AXIN1: variants seen among roughly 807,000 people sequenced by gnomAD.
AXIN1 encodes axin 1, also known as axin-1.
AXIN1 carries 30 observed loss-of-function variants against 76.4 expected under a neutral mutation model. That is an observed-to-expected ratio of 0.39 (90% CI 0.29 to 0.53). The LOEUF (loss-of-function observed/expected upper bound fraction) is 0.53, where lower values mean the gene tolerates loss of function less well. AXIN1 is among the 20% of genes least tolerant of loss of function. The pLI, the probability that AXIN1 is intolerant of heterozygous loss-of-function variation, is 0.66. For missense variants in AXIN1, 1,140 were observed against 1,198.8 expected, an observed-to-expected ratio of 0.95 and a Z score of 0.72; for synonymous variants, 545 against 501.4, an observed-to-expected ratio of 1.09 and a Z score of -1.16.
intron 9 of AXIN1, 100 bp from the exon 10 acceptor site, chr16:289,707 T>G (rs1596964892): frequency 1.3e-6 from 2 of 1,489,120 alleles, no homozygotes; most frequent in Non-Finnish European, 1.8e-6. Context: ...GGGGCAGGCC[T>G]GCAGGGGTGA....
At chr16:345,667 T>C (rs2054019023) in intron 2 of AXIN1, among the ~76,000 whole-genome samples, 1 of 151,836 alleles carries the variant, frequency 6.6e-6, no homozygotes, top group South Asian at 2.1e-4. Context: ...TGAGCTGAGA[T>C]TGTACCATTG....
chr16:314,700 A>G lies in AXIN1; in HGVS notation c.879-17T>C, dbSNP rs1392979486. On this transcript the variant is annotated splice_polypyrimidine_tract_variant and intron_variant, in intron 2 of 10. Transcript: ENST00000262320. ...GATCCATACCTGCAAACAGGCAAGC[A>G]GGGCATGTTAGTGACAGCCTGCCAA... 6.2e-7 allele frequency: 1 copy of G among 1,612,904 alleles called. No homozygotes were observed. The highest frequency in any genetic ancestry group is 8.5e-7 in the Non-Finnish European group (1 of 1,180,028).
At position 304,433 on chromosome 16, in the gene AXIN1, G is replaced by A. The variant is rs1280503610; in HGVS notation, c.1125C>T (p.Tyr375=). 6.2e-7 allele frequency: 1 copy of A among 1,612,714 alleles called. No individual in the cohort carries two copies. The highest frequency in any genetic ancestry group is 1.3e-5 in the African/African-American group (1 of 75,076). Residue 375 remains tyrosine, a synonymous_variant, in exon 5 of 11, where the codon TAC becomes TAT. Transcript: ENST00000262320. ...RVPLPHIPRT[Y]RVPKEVRVEP... is the part of the protein sequence containing the mutation. ...CCACGCGGACCTCCTTCGGCACCCGGTACGTGCGCTGCGAGGGACAGGACT... is the reference window on the plus strand; with the variant it reads ...CCACGCGGACCTCCTTCGGCACCCGATACGTGCGCTGCGAGGGACAGGACT...
intron 2 of AXIN1, among the ~76,000 whole-genome samples, chr16:332,530 C>T (rs1165026062): frequency 6.7e-6 from 1 of 149,416 alleles, no homozygotes; most frequent in African/African-American, 2.5e-5. Flanking sequence ...GAGCTGAGAC[C>T]GTGCCACTGC....
chr16:295,728 G>A (rs1031438133), intron 7 of AXIN1, among the ~76,000 whole-genome samples: 6 of 152,220 alleles, frequency 3.9e-5, no homozygotes, highest in Non-Finnish European at 5.9e-5. Context: ...CCAGGAGGCC[G>A]AGGCAGGCGG....
intron 3 of AXIN1, among the ~76,000 whole-genome samples, chr16:311,267 T>C (rs2053170218): frequency 6.6e-6 from 1 of 151,644 alleles, no homozygotes; most frequent in African/African-American, 2.4e-5. Flanking sequence ...CCTGACCCCG[T>C]GATCCGCCTG....
chr16:289,079 CTTCT>C (rs941810012), intron 10 of AXIN1, among the ~76,000 whole-genome samples: 10 of 137,548 alleles, frequency 7.3e-5, no homozygotes, highest in East Asian at 5.9e-4. Context: ...AGCCCTTTTT[CTTCT>C]TTTTTTTTTT....
chr16:310,270 C>T lies in AXIN1; in HGVS notation c.1020-201G>A, dbSNP rs181442175. On this transcript the variant is annotated intron_variant, in intron 3 of 10. Coordinates refer to ENST00000262320, the MANE Select transcript of AXIN1 (RefSeq NM_003502.4). ...GAACATGTACACACAAAGGTTCACA[C>T]GTGATGGTAAAGCCCAGGTGCCCAG... Among the ~76,000 whole-genome samples the T allele has an allele frequency of 1.0e-3, 157 of 152,342 alleles. 1 individual carries two copies. Among genetic ancestry groups the T allele is most frequent in the African/African-American group, 3.4e-3 (142 of 41,582 alleles).
At chr16:310,681 G>A (rs1426303988) in intron 3 of AXIN1, among the ~76,000 whole-genome samples, 1 of 152,236 alleles carries the variant, frequency 6.6e-6, no homozygotes, top group African/African-American at 2.4e-5. Context: ...AATTACAGGC[G>A]CAAGCCACGG....
chr16:310,152 CGCCG>C, intron 3 of AXIN1, 83 bp from the exon 4 acceptor site: 2 of 1,315,460 alleles, frequency 1.5e-6, no homozygotes, highest in Non-Finnish European at 2.1e-6. Flanking sequence ...TGGCCCCGAC[CGCCG>C]GTCAGCAGGC....
chr16:291,065 C>A, intron 9 of AXIN1, 125 bp downstream of exon 9: 1 of 893,514 alleles, frequency 1.1e-6, no homozygotes, highest in South Asian at 1.4e-5. Context: ...CCCTCTCCTG[C>A]CACAGCTGCT....
chr16:316,791 A>G (rs2053312606), intron 2 of AXIN1, among the ~76,000 whole-genome samples: 1 of 152,212 alleles, frequency 6.6e-6, no homozygotes, highest in East Asian at 1.9e-4. Context: ...TACTGTGCCT[A>G]ACTTGTAAGT....
intron 2 of AXIN1, among the ~76,000 whole-genome samples, chr16:333,039 T>G (rs9934823): frequency 0.33 from 50,069 of 151,810 alleles, 9,601 homozygotes; most frequent in African/African-American, 0.53. Flanking sequence ...TGTAAAAAAA[T>G]ATTAGCGAGG....
At position 288,130 on chromosome 16, in the gene AXIN1, C is replaced by T. The variant is rs750656902; in HGVS notation, c.2581G>A (p.Val861Met). 2 of 1,613,442 alleles carry T rather than the reference C, an allele frequency of 1.2e-6. No individual in the cohort carries two copies. The highest frequency in any genetic ancestry group is 1.7e-6 in the Non-Finnish European group (2 of 1,180,012). Reference protein sequence around the residue: ...EEKIIGKVEKVD With the variant: ...EEKIIGKVEKMD ...GCCAGCCCACCAGCCTATCAGTCCA[C>T]CTTCTCCACTTTGCCGATGATCTTC... The change falls in exon 11 of 11, where the codon GTG becomes ATG. Residue 861 changes from valine (V) to methionine (M), a missense_variant. Physicochemically the swap from Val to Met is conservative, Grantham distance 21 (BLOSUM62 1). Transcript: ENST00000262320.
intron 2 of AXIN1, among the ~76,000 whole-genome samples, chr16:330,473 C>G (rs1233063951): frequency 6.6e-6 from 1 of 152,204 alleles, no homozygotes. Context: ...CACCAAAGAA[C>G]TCACTAATGA....
chr16:351,154 C>T (rs1304132939), intron 1 of AXIN1, among the ~76,000 whole-genome samples: 1 of 129,570 alleles, frequency 7.7e-6, no homozygotes, highest in African/African-American at 2.7e-5. Context: ...AAAACTGAAA[C>T]CGAGCTATTG....
intron 2 of AXIN1, among the ~76,000 whole-genome samples, chr16:326,520 G>T (rs149293990): frequency 2.6e-5 from 4 of 151,278 alleles, no homozygotes; most frequent in Non-Finnish European, 4.4e-5. Context: ...AGGCCAAGGC[G>T]GGCGGATCAT....
chr16:310,374 A>C (rs949737992), intron 3 of AXIN1, among the ~76,000 whole-genome samples: 2 of 152,160 alleles, frequency 1.3e-5, no homozygotes, highest in African/African-American at 2.4e-5. Flanking sequence ...AGGGCCTGAC[A>C]GCTAAGAGTG....
At position 299,879 on chromosome 16, in the gene AXIN1, T is replaced by C. The variant is rs990146906; in HGVS notation, c.1255-1628A>G. Among the ~76,000 whole-genome samples, 44 of 151,244 alleles carry C rather than the reference T, an allele frequency of 2.9e-4. 2 individuals are homozygous for C. The highest frequency in any genetic ancestry group is 2.5e-3 in the Admixed American group (38 of 15,180). ...ACCGTGTTAGCCAGGATGGTCTCGA[T>C]CTCCCGACCTCGTGATCTGCCCACC... On this transcript the variant is annotated intron_variant, in intron 5 of 10. Coordinates refer to ENST00000262320, the MANE Select transcript of AXIN1 (RefSeq NM_003502.4).
Sources: gnomAD v4.1 joint callset for allele counts (sites outside exome capture counted in the v4.1 genomes callset) on GRCh38, gnomAD v4.1.1 for gene constraint, MANE v1.5 for transcripts, NCBI Gene and HGNC (gene_info 2026-07-23, HGNC 2026-07-21) for gene names.